The following C10orf90 variants were observed in gnomAD, a reference collection of about 807,000 sequenced individuals.
C10orf90 encodes the protein (E2-independent) E3 ubiquitin-conjugating enzyme FATS.
A neutral mutation model predicts 62.5 loss-of-function variants in C10orf90; 56 were observed. That is an observed-to-expected ratio of 0.90 (90% CI 0.72 to 1.12). C10orf90 has a LOEUF of 1.12. C10orf90 is among the 50% of genes most tolerant of loss of function. The probability of loss-of-function intolerance (pLI) is 0.00; values close to 1 mark genes in which losing one functional copy is unlikely to be tolerated. For synonymous variants in C10orf90, 386 were observed against 340.4 expected (o/e 1.13, Z -1.47); for missense variants, 970 against 880.4 (o/e 1.10, Z -1.29).
At chr10:126,622,762 T>C (rs147535031) in intron 2 of C10orf90, among the ~76,000 whole-genome samples, 2 of 152,218 alleles carry the variant, frequency 1.3e-5, no homozygotes, top group Non-Finnish European at 1.5e-5. Context: ...TGCCCTTTTA[T>C]GCAGCTGCAG....
intron 2 of C10orf90, chr10:126,521,467 C>A: frequency 6.8e-7 from 1 of 1,478,828 alleles, no homozygotes; most frequent in Non-Finnish European, 8.9e-7. Flanking sequence ...CTTCCAGCCT[C>A]GGCCAAAGAA....
chr10:126,608,866 A>AT (rs1486487701), intron 2 of C10orf90, among the ~76,000 whole-genome samples: 2 of 152,158 alleles, frequency 1.3e-5, no homozygotes, highest in Non-Finnish European at 2.9e-5. Context: ...TAATACTTCG[A>AT]TTTTTCCCCA....
chr10:126,637,774 C>T (rs1432698635), intron 2 of C10orf90, among the ~76,000 whole-genome samples: 2 of 152,134 alleles, frequency 1.3e-5, no homozygotes, highest in Admixed American at 6.5e-5. Context: ...CCCAGGGCCT[C>T]GGGGCCTTTT....
intron 7 of C10orf90, among the ~76,000 whole-genome samples, chr10:126,437,785 C>G (rs1348505166): frequency 1.3e-5 from 2 of 151,984 alleles, no homozygotes; most frequent in Non-Finnish European, 2.9e-5. Flanking sequence ...CAGAACCTCT[C>G]CATACCATGG....
Position 126,425,986 on chromosome 10 carries a change from A to G in C10orf90, c.2352+5T>C, listed in dbSNP as rs182354709. 927 of 1,614,092 alleles carry G rather than the reference A, an allele frequency of 5.7e-4. 3 individuals are homozygous for G. The African/African-American group carries it at 0.01, about 18-fold the overall frequency. ...CATCACACCTGCTGGTGACGAGGCC[A>G]TTACCTTTTTGAAGACTTCGGCACG... On this transcript the variant is annotated splice_donor_5th_base_variant and intron_variant, in intron 9 of 9. Transcript: ENST00000488181.
chr10:126,513,362 A>T (rs7922696), intron 3 of C10orf90, among the ~76,000 whole-genome samples: 135,646 of 152,250 alleles, frequency 0.89, 60,652 homozygotes, highest in African/African-American at 0.97. Flanking sequence ...AGTCGATTAG[A>T]CAGAGCCTGG....
At chr10:126,622,379 C>A (rs141877481) in intron 2 of C10orf90, among the ~76,000 whole-genome samples, 226 of 152,206 alleles carry the variant, frequency 1.5e-3, no homozygotes, top group Middle Eastern at 0.01. Flanking sequence ...CCCCTGTGAC[C>A]CAGAAAAAAG....
chr10:126,562,221 G>A (rs1187927134), intron 2 of C10orf90, among the ~76,000 whole-genome samples: 2 of 152,148 alleles, frequency 1.3e-5, no homozygotes, highest in Non-Finnish European at 2.9e-5. Context: ...CTGCGTGCAC[G>A]TGCTAGCATC....
intron 2 of C10orf90, among the ~76,000 whole-genome samples, chr10:126,591,992 G>A (rs917619491): frequency 1.2e-4 from 18 of 152,182 alleles, no homozygotes; most frequent in Admixed American, 1.0e-3. Context: ...ACTAACAAGG[G>A]AAGTAAAGGA....
At chr10:126,540,594 C>T (rs1436809) in intron 2 of C10orf90, among the ~76,000 whole-genome samples, 98,422 of 151,026 alleles carry the variant, frequency 0.65, 32,856 homozygotes, top group African/African-American at 0.8. Context: ...GGGAGCCAGA[C>T]GGTGCAGTGA....
At chr10:126,659,882 A>C (rs768385008) in intron 1 of C10orf90, among the ~76,000 whole-genome samples, 2 of 152,222 alleles carry the variant, frequency 1.3e-5, no homozygotes, top group Non-Finnish European at 2.9e-5. Flanking sequence ...CATCTAACAC[A>C]TACCGCATGC....
intron 2 of C10orf90, among the ~76,000 whole-genome samples, chr10:126,645,905 G>A (rs901700633): frequency 6.6e-6 from 1 of 152,020 alleles, no homozygotes; most frequent in African/African-American, 2.4e-5. Flanking sequence ...ATTAAAATGA[G>A]GATTAAGAAA....
intron 2 of C10orf90, among the ~76,000 whole-genome samples, chr10:126,579,789 G>A (rs1381599691): frequency 6.6e-6 from 1 of 151,796 alleles, no homozygotes; most frequent in East Asian, 1.9e-4. Flanking sequence ...TTCTTACTGA[G>A]CACTAAATGC....
intron 4 of C10orf90, among the ~76,000 whole-genome samples, chr10:126,478,556 G>A (rs1350658876): frequency 6.6e-6 from 1 of 152,206 alleles, no homozygotes; most frequent in Non-Finnish European, 1.5e-5. Flanking sequence ...AGAAAGGCAG[G>A]AAGCCCGTTT....
chr10:126,448,037 T>A (rs1858905247), intron 7 of C10orf90, among the ~76,000 whole-genome samples: 2 of 139,546 alleles, frequency 1.4e-5, no homozygotes, highest in African/African-American at 2.7e-5. Flanking sequence ...TTTTTTTTTT[T>A]TTTTTTGTAT....
Position 126,556,249 on chromosome 10 carries a change from T to C in C10orf90, c.314-42310A>G, listed in dbSNP as rs142512626. Reference sequence around the variant, plus strand: ...GGTATCTAAATTGGGATATGCACAATTGCAAAATGTCAACAGCGAGTACTA... The same window carrying C: ...GGTATCTAAATTGGGATATGCACAACTGCAAAATGTCAACAGCGAGTACTA... On this transcript the variant is annotated intron_variant, in intron 2 of 9. Transcript: ENST00000488181. Among the ~76,000 whole-genome samples, 597 of 152,270 alleles carry C rather than the reference T, an allele frequency of 3.9e-3. 4 individuals carry two copies. Among genetic ancestry groups the C allele is most frequent in the African/African-American group, 0.014 (571 of 41,542 alleles).
chr10:126,576,639 A>G (rs1038237321), intron 2 of C10orf90, among the ~76,000 whole-genome samples: 6 of 136,212 alleles, frequency 4.4e-5, no homozygotes, highest in Admixed American at 7.6e-5. Flanking sequence ...CTGCAGCACT[A>G]TTCACCACAG....
intron 4 of C10orf90, among the ~76,000 whole-genome samples, chr10:126,483,348 C>A (rs966206415): frequency 3.9e-4 from 59 of 152,212 alleles, no homozygotes; most frequent in African/African-American, 1.4e-3. Flanking sequence ...GCTGCAGAGA[C>A]TCCAAGTTTT....
Position 126,513,920 on chromosome 10 carries a change from G to T in C10orf90, c.333C>A (p.His111Gln), listed in dbSNP as rs750094947. Residue 111 changes from histidine (H) to glutamine (Q), a missense_variant, in exon 3 of 10, where the codon CAC becomes CAA. His to Gln is a conservative substitution (Grantham distance 24, BLOSUM62 0). Coordinates refer to ENST00000488181, the MANE Select transcript of C10orf90 (RefSeq NM_001350921.2). ...TAAGGGCAATTTGATCTCTTCTACT[G>T]TGGTAGCTGTCCCGTAATCCTAGGC... ...LSNAGLRDSY[H>Q]SRRDQIALKN... 6.2e-7 allele frequency: 1 copy of T among 1,612,850 alleles called. No homozygotes were observed. Among genetic ancestry groups the T allele is most frequent in the Non-Finnish European group, 8.5e-7 (1 of 1,179,202 alleles).
Sources: gnomAD v4.1 joint callset for allele counts (sites outside exome capture counted in the v4.1 genomes callset) on GRCh38, gnomAD v4.1.1 for gene constraint, MANE v1.5 for transcripts, NCBI Gene and HGNC (gene_info 2026-07-23, HGNC 2026-07-21) for gene names.